RGPD3: variants seen among roughly 807,000 people sequenced by gnomAD.
RGPD3 encodes the protein ranBP2-like and GRIP domain-containing protein 3.
Under a neutral mutation model 154.5 loss-of-function variants are expected in RGPD3, and 62 were observed. That is an observed-to-expected ratio of 0.40 (90% CI 0.33 to 0.50). The LOEUF (loss-of-function observed/expected upper bound fraction) is 0.50, where lower values mean the gene tolerates loss of function less well. Among genes scored for constraint, RGPD3 ranks in the 20% least tolerant of loss-of-function variants. RGPD3 has a pLI of 0.59. For synonymous variants in RGPD3, 308 were observed against 607.0 expected (o/e 0.51, Z 7.24); for missense variants, 919 against 1,716.8 (o/e 0.54, Z 8.21).
At chr2:106,460,239 A>T (rs978315321) in intron 1 of RGPD3, among the ~76,000 whole-genome samples, 6 of 140,060 alleles carry the variant, frequency 4.3e-5, no homozygotes, top group Non-Finnish European at 9.3e-5. Flanking sequence ...AATCTTGGAA[A>T]CCCTGTGGTA....
chr2:106,467,589 T>C lies in RGPD3; in HGVS notation c.72+628A>G, dbSNP rs370904986. Among the ~76,000 whole-genome samples, 295 of 111,256 alleles carry C rather than the reference T, an allele frequency of 2.7e-3. No homozygotes were observed. The East Asian group carries it at 0.035, about 13-fold the overall frequency. The allele number at this position is 111,256 out of a possible 152,430, so 73.0% of individuals were successfully genotyped here. On this transcript the variant is annotated intron_variant, in intron 1 of 22. Coordinates refer to ENST00000409886, the MANE Select transcript of RGPD3 (RefSeq NM_001144013.2). The stretch of plus-strand genomic sequence containing the variant: ...GAGCAGCGCCCGTCGGGAGCCATGA[T>C]GCCTGAGCCATCAAGGCAGCCGCCG...
intron 22 of RGPD3, among the ~76,000 whole-genome samples, chr2:106,410,902 A>G (rs1408565697): frequency 2.0e-5 from 3 of 152,114 alleles, no homozygotes; most frequent in African/African-American, 7.2e-5. Context: ...TAGTTTGAAG[A>G]ACTGAGATTA....
At chr2:106,431,402 G>A (rs1277856551) in intron 17 of RGPD3, among the ~76,000 whole-genome samples, 4 of 147,840 alleles carry the variant, frequency 2.7e-5, no homozygotes, top group African/African-American at 7.4e-5. Context: ...AACTGGCTTC[G>A]ATAATTCTCT....
At position 106,415,951 on chromosome 2, in the gene RGPD3, A is replaced by C; in HGVS notation, c.4963T>G (p.Leu1655Val). ...GTGGTGGAACTGAGCTTCTGAACCA[A>C]TTCTTCTTTAGTAAATTCAGCATAC... ...LWYAEFTKEE[L>V]VQKLSSTTKS... The change falls in exon 21 of 23, where the codon TTG becomes GTG. Residue 1655 changes from leucine (L) to valine (V), a missense_variant. By Grantham distance (32) the Leu-to-Val change is conservative (BLOSUM62 1). Coordinates refer to ENST00000409886, the MANE Select transcript of RGPD3 (RefSeq NM_001144013.2). 6.2e-7 allele frequency: 1 copy of C among 1,611,710 alleles called. No individual in the cohort carries two copies.
At chr2:106,428,693 G>GA (rs202246839) in intron 18 of RGPD3, among the ~76,000 whole-genome samples, 3 of 151,218 alleles carry the variant, frequency 2.0e-5, no homozygotes, top group Admixed American at 6.6e-5. Flanking sequence ...AAGAGAGAGA[G>GA]AGAAAAAAAA....
rs550310129 is a variant in RGPD3, at chr2:106,412,656, A to T, written c.5266+428T>A. On this transcript the variant is annotated intron_variant, in intron 22 of 22. Transcript: ENST00000409886. ...ATTTGCCTAGAAAGTGGACTGCTGT[A>T]TATAGACCAAGTGTTGGGCTCTATG... is the stretch of plus-strand genomic sequence containing the variant. 560 of 419,292 alleles carry T rather than the reference A, an allele frequency of 1.3e-3. 4 individuals are homozygous for T. Among genetic ancestry groups the T allele is most frequent in the African/African-American group, 0.011 (525 of 48,830 alleles). 26.0% of individuals were successfully genotyped at this position (419,292 alleles called of 1,614,324 possible). A position where few individuals can be genotyped will look rare whatever the true frequency, so the allele number is the denominator to read the frequency against.
At chr2:106,446,297 T>C (rs1043472059) in intron 7 of RGPD3, among the ~76,000 whole-genome samples, 2 of 137,850 alleles carry the variant, frequency 1.5e-5, no homozygotes, top group African/African-American at 5.4e-5. Context: ...CTGGGCATGG[T>C]GGCTCACGCC....
intron 18 of RGPD3, among the ~76,000 whole-genome samples, chr2:106,426,928 G>T (rs1293717549): frequency 6.6e-6 from 1 of 151,720 alleles, no homozygotes; most frequent in African/African-American, 2.4e-5. Context: ...TTACAGAGGT[G>T]AGGATAGCTA....
At position 106,424,710 on chromosome 2, in the gene RGPD3, T is replaced by G. The variant is rs781690335; in HGVS notation, c.3257A>C (p.Lys1086Thr). The G allele has an allele frequency of 6.2e-7, 1 of 1,612,000 alleles. No individual in the cohort carries two copies. The highest frequency in any genetic ancestry group is 1.1e-5 in the South Asian group (1 of 90,992). The change falls in exon 20 of 23, where the codon AAA becomes ACA. Residue 1086 changes from lysine (K) to threonine (T), a missense_variant. Physicochemically the swap from Lys to Thr is moderately conservative, Grantham distance 78. Coordinates refer to ENST00000409886, the MANE Select transcript of RGPD3 (RefSeq NM_001144013.2). Reference protein sequence around the residue: ...QWKERGLGNLKILKNEVNGKV... With the variant: ...QWKERGLGNLTILKNEVNGKV... Reference sequence around the variant, plus strand: ...GCCATTGACCTCGTTTTTGAGAATTTTTAAGTTCCCCAAGCCCCTTTCTTT... The same window carrying G: ...GCCATTGACCTCGTTTTTGAGAATTGTTAAGTTCCCCAAGCCCCTTTCTTT...
chr2:106,467,827 C>T (rs1242807676), intron 1 of RGPD3, among the ~76,000 whole-genome samples: 3 of 137,470 alleles, frequency 2.2e-5, no homozygotes, highest in Admixed American at 7.0e-5. Context: ...CAACAGAGCG[C>T]GCCAGGGAGC....
At chr2:106,447,951 C>T (rs1372759405) in intron 6 of RGPD3, among the ~76,000 whole-genome samples, 1 of 151,652 alleles carries the variant, frequency 6.6e-6, no homozygotes, top group Admixed American at 6.6e-5. Flanking sequence ...GTAGTTTCTT[C>T]CTGATCATAT....
chr2:106,462,094 G>C (rs1450774189), intron 1 of RGPD3, among the ~76,000 whole-genome samples: 1 of 152,120 alleles, frequency 6.6e-6, no homozygotes. Context: ...ATGTTGGCCA[G>C]ATGGTGTCGC....
chr2:106,442,190 GA>G (rs556007107), intron 7 of RGPD3, among the ~76,000 whole-genome samples: 436 of 35,742 alleles, frequency 0.012, 2 homozygotes, highest in East Asian at 0.035. Context: ...TCCAACAAAA[GA>G]AAAAAAAAAA....
chr2:106,460,370 G>A (rs1038429845), intron 1 of RGPD3, among the ~76,000 whole-genome samples: 8 of 151,710 alleles, frequency 5.3e-5, no homozygotes, highest in African/African-American at 1.9e-4. Flanking sequence ...AAGTACTTAG[G>A]ATCTATTAAG....
intron 7 of RGPD3, among the ~76,000 whole-genome samples, chr2:106,441,863 CAAAAAAAAAAAAAA>C (rs1166971652): frequency 1.5e-4 from 2 of 13,626 alleles, no homozygotes; most frequent in African/African-American, 6.0e-4. Flanking sequence ...GACTCCATCG[CAAAAAAAAAAAAAA>C]AAAAAAAAAA....
At chr2:106,432,313 C>G (rs1433868290) in intron 17 of RGPD3, among the ~76,000 whole-genome samples, 1 of 148,080 alleles carries the variant, frequency 6.8e-6, no homozygotes, top group South Asian at 2.2e-4. Context: ...ATTAGCTGGG[C>G]CTGGTGGCGG....
chr2:106,438,607 C>A (rs1162638968), intron 9 of RGPD3, among the ~76,000 whole-genome samples: 1 of 152,018 alleles, frequency 6.6e-6, no homozygotes, highest in Non-Finnish European at 1.5e-5. Flanking sequence ...CATGATGAAA[C>A]CCTGTCTCTA....
chr2:106,415,375 T>C (rs1395920565), intron 21 of RGPD3, among the ~76,000 whole-genome samples: 2 of 152,100 alleles, frequency 1.3e-5, no homozygotes, highest in Admixed American at 1.3e-4. Context: ...CTTTATGTAA[T>C]AGGTATAAAA....
chr2:106,455,213 G>A (rs1385976929), intron 4 of RGPD3, among the ~76,000 whole-genome samples: 1 of 149,820 alleles, frequency 6.7e-6, no homozygotes, highest in Non-Finnish European at 1.5e-5. Flanking sequence ...TGTGGACCAT[G>A]AAATACTACT....
Sources: allele counts gnomAD v4.1 joint callset (sites outside exome capture counted in the v4.1 genomes callset), GRCh38; gene constraint gnomAD v4.1.1; transcripts MANE v1.5; gene names NCBI Gene and HGNC (gene_info 2026-07-23, HGNC 2026-07-21).